The following SPOCK3 variants were observed in gnomAD, a reference collection of about 807,000 sequenced individuals.
The protein encoded by SPOCK3 is SPARC (osteonectin), cwcv and kazal like domains proteoglycan 3, also known as testican-3.
SPOCK3 carries 30 observed loss-of-function variants against 56.6 expected under a neutral mutation model. That is an observed-to-expected ratio of 0.53 (90% confidence interval 0.40 to 0.72). The LOEUF is 0.72. Among genes scored for constraint, SPOCK3 ranks in the 30% least tolerant of loss-of-function variants. The probability of loss-of-function intolerance (pLI) is 0.00; values close to 1 mark genes in which losing one functional copy is unlikely to be tolerated. For synonymous variants in SPOCK3, 196 were observed against 183.3 expected (o/e 1.07, Z -0.56); for missense variants, 527 against 530.0 (o/e 0.99, Z 0.06).
intron 2 of SPOCK3, among the ~76,000 whole-genome samples, chr4:167,168,599 A>T (rs1376972580): frequency 6.6e-6 from 1 of 152,000 alleles, no homozygotes; most frequent in South Asian, 2.1e-4. Context: ...AGATGATCTG[A>T]AATTGGAACT....
intron 7 of SPOCK3, among the ~76,000 whole-genome samples, chr4:166,790,272 T>A (rs1004193365): frequency 1.3e-5 from 2 of 152,172 alleles, no homozygotes; most frequent in African/African-American, 4.8e-5. Flanking sequence ...CTATATTAGA[T>A]CTGATAAATG....
chr4:167,098,580 C>T lies in SPOCK3; in HGVS notation c.190-36043G>A, dbSNP rs1053540663. Among the ~76,000 whole-genome samples, 7 of 151,962 alleles carry T rather than the reference C, an allele frequency of 4.6e-5. No homozygotes were observed. In the South Asian group the frequency reaches 1.2e-3, roughly 27 times the overall value. ...TTACAGAACTAATCTTGATGTACAG[C>T]TCTTATTGTCTCACAGCCTTGTTTA... On this transcript the variant is annotated intron_variant, in intron 2 of 10. Coordinates refer to ENST00000357545, the MANE Select transcript of SPOCK3 (RefSeq NM_001040159.2).
chr4:167,054,608 G>A (rs996083459), intron 3 of SPOCK3, among the ~76,000 whole-genome samples: 5 of 152,178 alleles, frequency 3.3e-5, no homozygotes, highest in African/African-American at 1.2e-4. Context: ...GTATTGGCAT[G>A]CTTTAGCTCA....
Position 166,851,802 on chromosome 4 carries a change from T to C in SPOCK3, c.589+37328A>G, listed in dbSNP as rs929635948. On this transcript the variant is annotated intron_variant, in intron 6 of 10. Coordinates refer to ENST00000357545, the MANE Select transcript of SPOCK3 (RefSeq NM_001040159.2). ...CCCAGCCATCCCATTACTGGGTATG[T>C]ACCCAAAAGACTATAAATCATGCTG... 2.0e-3 allele frequency among the ~76,000 whole-genome samples: 298 copies of C among 152,140 alleles called. 1 individual carries two copies. The highest frequency in any genetic ancestry group is 6.8e-3 in the African/African-American group (283 of 41,472).
chr4:167,170,822 G>A (rs931080994), intron 2 of SPOCK3, among the ~76,000 whole-genome samples: 1 of 152,154 alleles, frequency 6.6e-6, no homozygotes, highest in Non-Finnish European at 1.5e-5. Context: ...CCCCAAGGTG[G>A]AGAAGAGTCA....
intron 2 of SPOCK3, among the ~76,000 whole-genome samples, chr4:167,169,848 C>T (rs1027800863): frequency 6.6e-6 from 1 of 151,998 alleles, no homozygotes; most frequent in Admixed American, 6.6e-5. Flanking sequence ...TGGTTTTCCC[C>T]CATACTATTC....
At chr4:167,034,711 T>A (rs1752582577) in intron 3 of SPOCK3, among the ~76,000 whole-genome samples, 1 of 152,156 alleles carries the variant, frequency 6.6e-6, no homozygotes, top group Non-Finnish European at 1.5e-5. Flanking sequence ...CCAACAATGC[T>A]GTAGCTAGAA....
chr4:166,767,154 G>A (rs1738204152), intron 7 of SPOCK3, among the ~76,000 whole-genome samples: 1 of 152,004 alleles, frequency 6.6e-6, no homozygotes, highest in African/African-American at 2.4e-5. Flanking sequence ...TGGATTCATT[G>A]ATTTTTTGAA....
chr4:167,074,212 T>G lies in SPOCK3; in HGVS notation c.190-11675A>C, dbSNP rs1393014286. 3.3e-5 allele frequency among the ~76,000 whole-genome samples: 5 copies of G among 151,908 alleles called. No homozygotes were observed. In the South Asian group the frequency reaches 1.0e-3, roughly 31 times the overall value. On this transcript the variant is annotated intron_variant, in intron 2 of 10. Coordinates refer to ENST00000357545, the MANE Select transcript of SPOCK3 (RefSeq NM_001040159.2). Reference sequence around the variant, plus strand: ...ACTCACCCCCTTTTTCAGTAAAGATTTATCACTTGTGTATAGCTACAAAAT... The same window carrying G: ...ACTCACCCCCTTTTTCAGTAAAGATGTATCACTTGTGTATAGCTACAAAAT...
At chr4:167,165,728 A>G (rs1765701029) in intron 2 of SPOCK3, among the ~76,000 whole-genome samples, 1 of 152,116 alleles carries the variant, frequency 6.6e-6, no homozygotes, top group Non-Finnish European at 1.5e-5. Context: ...TGACTTTCAA[A>G]TGGAGCATGT....
At chr4:166,906,686 A>G (rs1381242591) in intron 5 of SPOCK3, among the ~76,000 whole-genome samples, 1 of 151,954 alleles carries the variant, frequency 6.6e-6, no homozygotes, top group Non-Finnish European at 1.5e-5. Flanking sequence ...CATTAATCTG[A>G]TATCACAGGC....
At chr4:166,888,670 C>A (rs1734451220) in intron 6 of SPOCK3, among the ~76,000 whole-genome samples, 1 of 151,890 alleles carries the variant, frequency 6.6e-6, no homozygotes, top group African/African-American at 2.4e-5. Flanking sequence ...AATTATTACA[C>A]AGGAAATTAT....
intron 2 of SPOCK3, among the ~76,000 whole-genome samples, chr4:167,133,425 A>T (rs1270529886): frequency 1.3e-5 from 2 of 152,176 alleles, no homozygotes; most frequent in Non-Finnish European, 2.9e-5. Context: ...GAACTGTAAC[A>T]TAATAAATTT....
chr4:167,203,576 A>G (rs899868024), intron 2 of SPOCK3, among the ~76,000 whole-genome samples: 2 of 151,868 alleles, frequency 1.3e-5, no homozygotes, highest in Non-Finnish European at 2.9e-5. Flanking sequence ...AAAAGACAGA[A>G]AAGAAAGGTA....
intron 6 of SPOCK3, among the ~76,000 whole-genome samples, chr4:166,819,748 CT>C (rs1217094771): frequency 5.2e-4 from 76 of 144,990 alleles, no homozygotes; most frequent in Admixed American, 5.5e-4. Flanking sequence ...TTGGAAGACT[CT>C]TTTTTTTTTT....
At chr4:166,855,266 T>A (rs1730530420) in intron 6 of SPOCK3, among the ~76,000 whole-genome samples, 1 of 152,062 alleles carries the variant, frequency 6.6e-6, no homozygotes. Flanking sequence ...AAATGCAACA[T>A]AAATTTTTAA....
intron 2 of SPOCK3, among the ~76,000 whole-genome samples, chr4:167,176,556 A>G (rs1238300443): frequency 3.9e-5 from 6 of 152,056 alleles, no homozygotes; most frequent in Non-Finnish European, 8.8e-5. Context: ...TTTTGTTGTC[A>G]ATGTATCTTC....
intron 4 of SPOCK3, among the ~76,000 whole-genome samples, chr4:166,970,720 G>A (rs10012666): frequency 0.057 from 8,100 of 141,582 alleles, 725 homozygotes; most frequent in African/African-American, 0.21. Flanking sequence ...GCAAGACACC[G>A]TCAAAAAAGA....
At chr4:166,786,068 T>C (rs1199878230) in intron 7 of SPOCK3, among the ~76,000 whole-genome samples, 1 of 152,012 alleles carries the variant, frequency 6.6e-6, no homozygotes, top group Non-Finnish European at 1.5e-5. Context: ...GAAAGAATAA[T>C]GAAGCAACAT....
Sources: gnomAD v4.1 joint callset for allele counts (sites outside exome capture counted in the v4.1 genomes callset) on GRCh38, gnomAD v4.1.1 for gene constraint, MANE v1.5 for transcripts, NCBI Gene and HGNC (gene_info 2026-07-23, HGNC 2026-07-21) for gene names.